USP31: variants seen among roughly 807,000 people sequenced by gnomAD.
USP31 encodes ubiquitin carboxyl-terminal hydrolase 31.
Under a neutral mutation model 119.4 loss-of-function variants are expected in USP31, and 44 were observed. That is an observed-to-expected ratio of 0.37 (90% CI 0.29 to 0.47). USP31 has a LOEUF of 0.47. Ranked by LOEUF, USP31 falls within the 20% of genes least tolerant of loss-of-function variation. The pLI is 0.99. For synonymous variants in USP31, 749 were observed against 705.6 expected, an observed-to-expected ratio of 1.06 and a Z score of -0.97; for missense variants, 1,643 against 1,730.2, an observed-to-expected ratio of 0.95 and a Z score of 0.89.
At chr16:23,072,323 G>T in intron 14 of USP31, 126 bp from the exon 15 acceptor site, 1 of 1,303,234 alleles carries the variant, frequency 7.7e-7, no homozygotes, top group Non-Finnish European at 1.1e-6. Flanking sequence ...CCCGAGGTCA[G>T]CATCAATTCC....
Position 23,064,650 on chromosome 16 carries a change from G to A in USP31, c.*3396C>T, listed in dbSNP as rs1567220736. 2 of 152,162 alleles carry A rather than the reference G, an allele frequency of 1.3e-5. No individual in the cohort carries two copies. Among genetic ancestry groups the A allele is most frequent in the Non-Finnish European group, 2.9e-5 (2 of 68,040 alleles). 9.4% of individuals were successfully genotyped at this position (152,162 alleles called of 1,614,324 possible). A position where few individuals can be genotyped will look rare whatever the true frequency, so the allele number is the denominator to read the frequency against. On this transcript the variant is annotated 3_prime_UTR_variant, in exon 16 of 16. Coordinates refer to ENST00000219689, the MANE Select transcript of USP31 (RefSeq NM_020718.4). ...CTCAAGAGAACCACAAGCCTTAGCCGATTTGACCGGAATCCACGTGATCTC... is the reference window on the plus strand; with the variant it reads ...CTCAAGAGAACCACAAGCCTTAGCCAATTTGACCGGAATCCACGTGATCTC...
chr16:23,081,994 GC>G (rs1341583387), intron 12 of USP31, among the ~76,000 whole-genome samples: 1 of 152,200 alleles, frequency 6.6e-6, no homozygotes, highest in Non-Finnish European at 1.5e-5. Flanking sequence ...GGAATAGACA[GC>G]CTTTTTGGAA....
intron 15 of USP31, 30 bp downstream of exon 15, chr16:23,072,015 T>C (rs1333756071): frequency 6.3e-7 from 1 of 1,593,906 alleles, no homozygotes; most frequent in Non-Finnish European, 8.6e-7. Flanking sequence ...GTTACCATTC[T>C]GGAAATTTGT....
In USP31 at chr16:23,085,492, T is replaced by C. The variant is rs886291160; in HGVS notation, c.1700+93A>G. 19 of 1,145,144 alleles carry C rather than the reference T, an allele frequency of 1.7e-5. No homozygotes were observed. In the African/African-American group the frequency reaches 1.7e-4, roughly 10 times the overall value. 70.9% of individuals were successfully genotyped at this position (1,145,144 alleles called of 1,614,324 possible). A position where few individuals can be genotyped will look rare whatever the true frequency, so the allele number is the denominator to read the frequency against. ...ATACTTAGCTAAAGAGAAGAGAGAT[T>C]TGTGTTTCAGCTCATTTAACATATC... is the stretch of plus-strand genomic sequence containing the variant. On this transcript the variant is annotated intron_variant, in intron 10 of 15. Transcript: ENST00000219689.
intron 1 of USP31, among the ~76,000 whole-genome samples, chr16:23,133,511 T>C (rs996379058): frequency 5.3e-5 from 8 of 152,224 alleles, no homozygotes; most frequent in Non-Finnish European, 1.2e-4. Context: ...CTGATTTTTA[T>C]ATGTTTTTAA....
intron 1 of USP31, among the ~76,000 whole-genome samples, chr16:23,128,032 T>C (rs1902919555): frequency 6.6e-6 from 1 of 152,132 alleles, no homozygotes; most frequent in Admixed American, 6.6e-5. Context: ...GTGTTACAAG[T>C]AGGATTTTCA....
intron 8 of USP31, 138 bp from the exon 9 acceptor site, chr16:23,087,324 T>C (rs1901153622): frequency 1.4e-6 from 1 of 712,630 alleles, no homozygotes; most frequent in African/African-American, 1.8e-5. Flanking sequence ...TTCTATAAGG[T>C]TGTTGAGCCA....
intron 1 of USP31, among the ~76,000 whole-genome samples, chr16:23,144,325 G>A (rs1268417228): frequency 1.3e-5 from 2 of 152,166 alleles, no homozygotes; most frequent in Non-Finnish European, 2.9e-5. Context: ...GGTGGTGGCT[G>A]CCTGGAGCCC....
At chr16:23,083,982 C>T (rs17796692) in intron 11 of USP31, among the ~76,000 whole-genome samples, 1 of 152,094 alleles carries the variant, frequency 6.6e-6, no homozygotes, top group East Asian at 1.9e-4. Flanking sequence ...TCTGTCTTAA[C>T]GAGGCAAACT....
intron 1 of USP31, among the ~76,000 whole-genome samples, chr16:23,143,863 G>C (rs1465627664): frequency 6.6e-6 from 1 of 151,596 alleles, no homozygotes; most frequent in South Asian, 2.1e-4. Context: ...TCCAGACATC[G>C]ACAAATGTCC....
At position 23,125,114 on chromosome 16, in the gene USP31, T is replaced by A. The variant is rs574733399; in HGVS notation, c.634-16931A>T. 8.2e-4 allele frequency among the ~76,000 whole-genome samples: 125 copies of A among 152,210 alleles called. 1 individual carries two copies. The highest frequency in any genetic ancestry group is 2.8e-3 in the African/African-American group (117 of 41,520). ...TGCTGTCACAGGCTGGGTTGGTTGG[T>A]GTGTTGGTTGGTTGTTCTTGCTAAA... On this transcript the variant is annotated intron_variant, in intron 1 of 15. Transcript: ENST00000219689.
chr16:23,064,163 A>G lies in USP31; in HGVS notation c.*3883T>C, dbSNP rs1291781812. ...AAACTGTGCTTATGACTTGCATACT[A>G]TTTCAAAAATCCAACCCAGAAACAC... On this transcript the variant is annotated 3_prime_UTR_variant, in exon 16 of 16. Coordinates refer to ENST00000219689, the MANE Select transcript of USP31 (RefSeq NM_020718.4). The G allele has an allele frequency of 6.6e-6, 1 of 152,640 alleles. No individual in the cohort carries two copies. The highest frequency in any genetic ancestry group is 1.5e-5 in the Non-Finnish European group (1 of 68,030). The allele number at this position is 152,640 out of a possible 1,614,324, so 9.5% of individuals were successfully genotyped here. A position where few individuals can be genotyped will look rare whatever the true frequency, so the allele number is the denominator to read the frequency against.
In USP31 at chr16:23,066,865, G is replaced by C. The variant is rs1381300920; in HGVS notation, c.*1181C>G. ...TTCTGGGCATGAGATGAAATCTTAAGAACAAAGAAGAAATAATAAATGAGT... is the reference window on the plus strand; with the variant it reads ...TTCTGGGCATGAGATGAAATCTTAACAACAAAGAAGAAATAATAAATGAGT... On this transcript the variant is annotated 3_prime_UTR_variant, in exon 16 of 16. Coordinates refer to ENST00000219689, the MANE Select transcript of USP31 (RefSeq NM_020718.4). The C allele has an allele frequency of 4.6e-5, 7 of 152,116 alleles. No individual in the cohort carries two copies. Among genetic ancestry groups the C allele is most frequent in the Non-Finnish European group, 7.4e-5 (5 of 68,024 alleles). The allele number at this position is 152,116 out of a possible 1,614,324, so 9.4% of individuals were successfully genotyped here.
chr16:23,105,979 T>C (rs770689005), intron 4 of USP31, among the ~76,000 whole-genome samples: 10 of 152,058 alleles, frequency 6.6e-5, no homozygotes, highest in Non-Finnish European at 1.3e-4. Flanking sequence ...CCCGATACTA[T>C]GTGTGGATGA....
At chr16:23,134,674 T>TAAAAAAAAAAAAAAAGA (rs1903132394) in intron 1 of USP31, among the ~76,000 whole-genome samples, 2 of 86,866 alleles carry the variant, frequency 2.3e-5, no homozygotes, top group Non-Finnish European at 4.7e-5. Flanking sequence ...GAAACAAAGC[T>TAAAAAAAAAAAAAAAGA]AAAAAAAAAA....
chr16:23,107,289 C>T (rs1902148811), intron 2 of USP31, among the ~76,000 whole-genome samples: 1 of 152,126 alleles, frequency 6.6e-6, no homozygotes, highest in South Asian at 2.1e-4. Flanking sequence ...GAGCACTGTA[C>T]AGAACATTAG....
intron 5 of USP31, among the ~76,000 whole-genome samples, chr16:23,103,690 G>A (rs373393220): frequency 6.6e-6 from 1 of 152,194 alleles, no homozygotes; most frequent in Non-Finnish European, 1.5e-5. Context: ...CAAGACAGAA[G>A]GACTGCTTGA....
intron 1 of USP31, among the ~76,000 whole-genome samples, chr16:23,123,807 C>T (rs530169855): frequency 4.9e-4 from 75 of 152,008 alleles, no homozygotes; most frequent in Non-Finnish European, 9.6e-4. Flanking sequence ...TGAGACCAGC[C>T]CAGGCAACAA....
At chr16:23,127,631 T>C (rs1338992714) in intron 1 of USP31, among the ~76,000 whole-genome samples, 2 of 148,830 alleles carry the variant, frequency 1.3e-5, no homozygotes, top group African/African-American at 4.9e-5. Flanking sequence ...TGCGCCTGGC[T>C]AATTTTTGTA....
Sources: allele counts gnomAD v4.1 joint callset (sites outside exome capture counted in the v4.1 genomes callset), GRCh38; gene constraint gnomAD v4.1.1; transcripts MANE v1.5; gene names NCBI Gene and HGNC (gene_info 2026-07-23, HGNC 2026-07-21).